OTC: variants seen among roughly 807,000 people sequenced by gnomAD.
The protein encoded by OTC is ornithine transcarbamylase.
A neutral mutation model predicts 30.3 loss-of-function variants in OTC; 3 were observed. That is an observed-to-expected ratio of 0.10 (90% CI 0.05 to 0.26). OTC has a LOEUF of 0.26. Ranked by LOEUF, OTC falls within the 10% of genes least tolerant of loss-of-function variation. The pLI is 1.00. For synonymous variants in OTC, 111 were observed against 99.7 expected (o/e 1.11, Z -0.67); for missense variants, 194 against 260.3 (o/e 0.75, Z 1.75).
chrX:38,391,931 A>C, intron 4 of OTC, among the ~76,000 whole-genome samples: 1 of 111,998 alleles, frequency 8.9e-6, no homozygotes, highest in Non-Finnish European at 1.9e-5. Context: ...AAGATTAAAA[A>C]AATAGAGCCA....
rs2068315500 is a variant in OTC at position 38,369,874 on chromosome X, A to T, written c.295A>T (p.Thr99Ser). Residue 99 changes from threonine to serine, a missense_variant, in exon 3 of 10, where the codon ACA (threonine) becomes TCA (serine). Coordinates refer to ENST00000039007, the MANE Select transcript of OTC (RefSeq NM_000531.6). ...TACTCGAACAAGATTGTCTACAGAA[A>T]CAGGTAAGTCCACTGCCAAATTCAC... ...RSTRTRLSTE[T>S]GFALLGGHPC... 8.5e-7 allele frequency: 1 copy of T among 1,177,457 alleles called. No individual in the cohort carries two copies. Among genetic ancestry groups the T allele is most frequent in the Non-Finnish European group, 1.2e-6 (1 of 864,193 alleles).
At chrX:38,329,286 C>A in the OTC span, among the ~76,000 whole-genome samples, 1 of 111,238 alleles carries the variant, frequency 9.0e-6, no homozygotes, top group African/African-American at 3.3e-5. Flanking sequence ...ATAATGAGTT[C>A]ATCCTTGAGC....
At chrX:38,331,447 T>G in the OTC span, among the ~76,000 whole-genome samples, 14 of 73,728 alleles carry the variant, frequency 1.9e-4, no homozygotes, top group South Asian at 7.1e-4. Flanking sequence ...TTTTTGTTTT[T>G]TTTTTTTGTT....
At chrX:38,378,167 C>G (rs765567300) in intron 3 of OTC, among the ~76,000 whole-genome samples, 1 of 100,202 alleles carries the variant, frequency 1.0e-5, no homozygotes, top group East Asian at 3.1e-4. Context: ...CCAATCATGA[C>G]CTTCACACAG....
the OTC span, among the ~76,000 whole-genome samples, chrX:38,347,520 C>T: frequency 8.9e-6 from 1 of 112,035 alleles, no homozygotes; most frequent in African/African-American, 3.2e-5. Context: ...GCAAATGCTG[C>T]GGCTTCTTAG....
At chrX:38,402,405 G>A (rs2068494198) in intron 5 of OTC, among the ~76,000 whole-genome samples, 1 of 112,286 alleles carries the variant, frequency 8.9e-6, no homozygotes, top group African/African-American at 3.2e-5. Context: ...ACTTAAAGTA[G>A]GAGCTGAATG....
At chrX:38,388,139 A>G (rs755060509) in intron 4 of OTC, among the ~76,000 whole-genome samples, 15 of 111,578 alleles carry the variant, frequency 1.3e-4, no homozygotes, top group African/African-American at 4.9e-4. Flanking sequence ...TTTTACCTAG[A>G]TGTACTGTAA....
At chrX:38,374,319 C>T (rs1055259977) in intron 3 of OTC, among the ~76,000 whole-genome samples, 3 of 109,925 alleles carry the variant, frequency 2.7e-5, no homozygotes, top group African/African-American at 9.9e-5. Context: ...TCTCTGTCCT[C>T]TTCTCCTTGG....
At chrX:38,402,907 C>T (rs186704117) in intron 5 of OTC, among the ~76,000 whole-genome samples, 1,651 of 110,878 alleles carry the variant, frequency 0.015, 32 homozygotes, top group African/African-American at 0.051. Flanking sequence ...CTCCGCCTCC[C>T]GGGTTCAAGC....
At chrX:38,405,771 G>A (rs776578778) in intron 6 of OTC, among the ~76,000 whole-genome samples, 2 of 111,675 alleles carry the variant, frequency 1.8e-5, no homozygotes, top group African/African-American at 6.5e-5. Context: ...GGTCAGATCC[G>A]ATATGTGCTT....
chrX:38,359,810 A>G (rs189116845), intron 1 of OTC, among the ~76,000 whole-genome samples: 83 of 111,088 alleles, frequency 7.5e-4, no homozygotes, highest in Non-Finnish European at 1.4e-3. Flanking sequence ...TGCCTGGCCT[A>G]TGTCTTTTCT....
At position 38,415,060 on chromosome X, in the gene OTC, A is replaced by AATT. The variant is rs1260195299; in HGVS notation, c.1005+3074_1005+3076dup. 2.7e-5 allele frequency among the ~76,000 whole-genome samples: 3 copies of AATT among 110,340 alleles called. No individual in the cohort carries two copies. The East Asian group carries it at 8.5e-4, about 31-fold the overall frequency. On this transcript the variant is annotated intron_variant, in intron 9 of 9. Transcript: ENST00000039007. ...TAAATTCCTATTCTATAGGCAAATA[A>AATT]ATTATTATTATTATTTTATTATTAT...
chrX:38,415,375 G>A (rs2068565654), intron 9 of OTC, among the ~76,000 whole-genome samples: 1 of 109,808 alleles, frequency 9.1e-6, no homozygotes, highest in Admixed American at 9.8e-5. Flanking sequence ...CACCACAGCC[G>A]GCCGCAAATA....
At chrX:38,354,883 C>A (rs1228838012) in intron 1 of OTC, among the ~76,000 whole-genome samples, 1 of 111,827 alleles carries the variant, frequency 8.9e-6, no homozygotes, top group Non-Finnish European at 1.9e-5. Context: ...ATAAGACTTA[C>A]AACCTTTGAC....
At chrX:38,356,290 A>AT (rs764301619) in intron 1 of OTC, among the ~76,000 whole-genome samples, 29 of 111,220 alleles carry the variant, frequency 2.6e-4, no homozygotes, top group Non-Finnish European at 5.5e-4. Context: ...GAATTCTTCA[A>AT]TTTTCAGATG....
At chrX:38,390,940 C>T (rs924891840) in intron 4 of OTC, among the ~76,000 whole-genome samples, 2 of 111,537 alleles carry the variant, frequency 1.8e-5, no homozygotes, top group African/African-American at 3.3e-5. Context: ...TTGTTTCAGC[C>T]TTCAGGGTGT....
intron 9 of OTC, among the ~76,000 whole-genome samples, chrX:38,418,886 C>G (rs760534625): frequency 1.8e-5 from 2 of 111,764 alleles, no homozygotes; most frequent in Non-Finnish European, 3.8e-5. Context: ...TTCCCAGTCT[C>G]GGGTATGTCT....
At chrX:38,361,446 A>G (rs1569272244) in intron 1 of OTC, among the ~76,000 whole-genome samples, 1 of 112,430 alleles carries the variant, frequency 8.9e-6, no homozygotes, top group East Asian at 2.8e-4. Context: ...CTTAGTGAAG[A>G]CAAAGTTATT....
chrX:38,375,395 A>G (rs963491441), intron 3 of OTC, among the ~76,000 whole-genome samples: 1 of 111,964 alleles, frequency 8.9e-6, no homozygotes, highest in African/African-American at 3.2e-5. Context: ...CTGAGAATAA[A>G]CTGTGGAATA....
Sources: gnomAD v4.1 joint callset for allele counts (sites outside exome capture counted in the v4.1 genomes callset) on GRCh38, gnomAD v4.1.1 for gene constraint, MANE v1.5 for transcripts, NCBI Gene and HGNC (gene_info 2026-07-23, HGNC 2026-07-21) for gene names.